Variants in STXBP5L observed in about 807,000 individuals in gnomAD.
STXBP5L encodes syntaxin-binding protein 5-like.
Under a neutral mutation model 144.5 loss-of-function variants are expected in STXBP5L, and 65 were observed. The observed-to-expected ratio is 0.45, with a 90% confidence interval of 0.37 to 0.55. The LOEUF (loss-of-function observed/expected upper bound fraction) is 0.55. Ranked by LOEUF, STXBP5L falls within the 20% of genes least tolerant of loss-of-function variation. The pLI is 0.00. For synonymous variants in STXBP5L, 505 were observed against 469.6 expected (o/e 1.08, Z -0.97); for missense variants, 1,298 against 1,405.5 (o/e 0.92, Z 1.22).
intron 7 of STXBP5L, among the ~76,000 whole-genome samples, chr3:121,126,813 T>C (rs552065198): frequency 6.6e-6 from 1 of 152,312 alleles, no homozygotes; most frequent in South Asian, 2.1e-4. Context: ...CATTCCTTTT[T>C]AGTAATTCTA....
chr3:120,939,697 A>C (rs1251558616), intron 2 of STXBP5L, among the ~76,000 whole-genome samples: 2 of 152,234 alleles, frequency 1.3e-5, no homozygotes, highest in Non-Finnish European at 2.9e-5. Flanking sequence ...ATCGTCGAAC[A>C]TAACGTTAAA....
intron 3 of STXBP5L, among the ~76,000 whole-genome samples, chr3:120,983,290 C>A (rs1389681049): frequency 6.6e-6 from 1 of 151,942 alleles, no homozygotes; most frequent in Non-Finnish European, 1.5e-5. Flanking sequence ...GTGGGTCTGC[C>A]ATGGCATATG....
At position 121,257,378 on chromosome 3, in the gene STXBP5L, A is replaced by G. The variant is rs367645182; in HGVS notation, c.1832+45A>G. On this transcript the variant is annotated intron_variant, in intron 17 of 26. Transcript: ENST00000471454. ...TTTCAAACAATTTTAGATATTAATC[A>G]TATGTCTTTGAAACTGTGACAAATG... 4.6e-6 allele frequency: 7 copies of G among 1,516,722 alleles called. No homozygotes were observed. The African/African-American group carries it at 8.3e-5, about 18-fold the overall frequency. The allele number at this position is 1,516,722 out of a possible 1,614,324, so 94.0% of individuals were successfully genotyped here. A position where few individuals can be genotyped will look rare whatever the true frequency, so the allele number is the denominator to read the frequency against.
rs1388295083 is a variant in STXBP5L, at chr3:121,163,601, CAG to C, written c.877+5976_877+5977del. Among the ~76,000 whole-genome samples, 7 of 151,978 alleles carry C rather than the reference CAG, an allele frequency of 4.6e-5. No homozygotes were observed. The South Asian group carries it at 6.2e-4, about 14-fold the overall frequency. On this transcript the variant is annotated intron_variant, in intron 9 of 26. Transcript: ENST00000471454. ...GCTTAAAATTTAATAAACAATAAAA[CAG>C]AAAAATAATTACAGGGTTTTTAAAA...
chr3:121,266,910 T>C (rs1356040029), intron 18 of STXBP5L, among the ~76,000 whole-genome samples: 1 of 152,106 alleles, frequency 6.6e-6, no homozygotes, highest in African/African-American at 2.4e-5. Flanking sequence ...TTAGAAGGGA[T>C]GTGAAGGACC....
intron 3 of STXBP5L, among the ~76,000 whole-genome samples, chr3:120,991,068 T>C (rs952950106): frequency 5.9e-5 from 9 of 151,976 alleles, no homozygotes; most frequent in Admixed American, 1.3e-4. Context: ...AGAAAATTTT[T>C]GCAATCTACT....
At chr3:121,165,538 C>T (rs2046467988) in intron 9 of STXBP5L, among the ~76,000 whole-genome samples, 1 of 152,148 alleles carries the variant, frequency 6.6e-6, no homozygotes, top group Middle Eastern at 3.2e-3. Flanking sequence ...ACATCTCTTT[C>T]CTTATCCTGC....
intron 20 of STXBP5L, among the ~76,000 whole-genome samples, chr3:121,336,510 C>G (rs1211209748): frequency 6.6e-6 from 1 of 151,824 alleles, no homozygotes. Context: ...AACCAGCCAA[C>G]CAACCAACCA....
intron 2 of STXBP5L, among the ~76,000 whole-genome samples, chr3:120,925,341 C>T (rs936392167): frequency 3.9e-5 from 6 of 152,082 alleles, no homozygotes; most frequent in African/African-American, 1.4e-4. Context: ...TGGGAGCTCT[C>T]GTGTTGGGTG....
intron 20 of STXBP5L, among the ~76,000 whole-genome samples, chr3:121,322,243 C>T (rs1920535): frequency 0.048 from 7,294 of 152,188 alleles, 463 homozygotes; most frequent in African/African-American, 0.14. Flanking sequence ...CTTTGGGAGG[C>T]CGAGATGGGC....
At chr3:121,180,686 C>A (rs1263947007) in intron 9 of STXBP5L, among the ~76,000 whole-genome samples, 1 of 152,122 alleles carries the variant, frequency 6.6e-6, no homozygotes, top group Non-Finnish European at 1.5e-5. Context: ...ACCAGCCTGA[C>A]CAACATGGTG....
rs373115795 is a variant in STXBP5L at position 121,007,501 on chromosome 3, C to T, written c.288-34199C>T. 2.6e-3 allele frequency among the ~76,000 whole-genome samples: 393 copies of T among 151,734 alleles called. 4 individuals carry two copies. Among genetic ancestry groups the T allele is most frequent in the African/African-American group, 8.8e-3 (366 of 41,398 alleles). On this transcript the variant is annotated intron_variant, in intron 3 of 26. Transcript: ENST00000471454. ...GTTTGCTGGAATTCAACAGTGAAAC[C>T]ATTTGGGTATGAATTTTTTTCTTGG...
At chr3:121,272,109 T>TG (rs1333679321) in intron 18 of STXBP5L, among the ~76,000 whole-genome samples, 1 of 152,224 alleles carries the variant, frequency 6.6e-6, no homozygotes, top group African/African-American at 2.4e-5. Flanking sequence ...TGCTGTTGAA[T>TG]GGAATATTCT....
chr3:121,037,785 A>G (rs1313419623), intron 3 of STXBP5L, among the ~76,000 whole-genome samples: 1 of 152,048 alleles, frequency 6.6e-6, no homozygotes, highest in Non-Finnish European at 1.5e-5. Flanking sequence ...AAGTAATGGT[A>G]TCTTGACCTG....
At chr3:120,979,915 GT>G (rs1941569111) in intron 3 of STXBP5L, among the ~76,000 whole-genome samples, 1 of 152,040 alleles carries the variant, frequency 6.6e-6, no homozygotes, top group African/African-American at 2.4e-5. Context: ...GTTTTAGTAT[GT>G]TGTGTTTCTG....
chr3:121,071,141 G>C (rs545622382), intron 5 of STXBP5L, among the ~76,000 whole-genome samples: 15 of 152,292 alleles, frequency 9.8e-5, no homozygotes, highest in African/African-American at 2.9e-4. Flanking sequence ...ATAGGTGAAA[G>C]TGTCGGTGGC....
At chr3:121,196,433 C>T (rs999070410) in intron 9 of STXBP5L, among the ~76,000 whole-genome samples, 1 of 152,018 alleles carries the variant, frequency 6.6e-6, no homozygotes, top group African/African-American at 2.4e-5. Flanking sequence ...GCCACCGCAC[C>T]CGGCAATATT....
chr3:121,300,777 T>C (rs2051863995), intron 19 of STXBP5L, among the ~76,000 whole-genome samples: 1 of 151,806 alleles, frequency 6.6e-6, no homozygotes, highest in Non-Finnish European at 1.5e-5. Context: ...AGAAAGATGA[T>C]AGACATAAAC....
At chr3:121,297,123 C>T (rs2051684654) in intron 19 of STXBP5L, among the ~76,000 whole-genome samples, 1 of 151,912 alleles carries the variant, frequency 6.6e-6, no homozygotes, top group African/African-American at 2.4e-5. Context: ...TTTGAAACAA[C>T]AGTGGAACTT....
Sources: gnomAD v4.1 joint callset for allele counts (sites outside exome capture counted in the v4.1 genomes callset) on GRCh38, gnomAD v4.1.1 for gene constraint, MANE v1.5 for transcripts, NCBI Gene and HGNC (gene_info 2026-07-23, HGNC 2026-07-21) for gene names.